Variants in DSCAM observed in about 807,000 individuals in gnomAD.
DSCAM encodes cell adhesion molecule DSCAM.
DSCAM carries 47 observed loss-of-function variants against 217.7 expected under a neutral mutation model. That is an observed-to-expected ratio of 0.22 (90% CI 0.17 to 0.28). The LOEUF is 0.28. Among genes scored for constraint, DSCAM ranks in the 10% least tolerant of loss-of-function variants. The pLI is 1.00. For synonymous variants in DSCAM, 1,056 were observed against 1,015.3 expected (o/e 1.04, Z -0.76); for missense variants, 2,080 against 2,618.3 (o/e 0.79, Z 4.49).
chr21:40,617,637 T>C (rs2089421816), intron 3 of DSCAM, among the ~76,000 whole-genome samples: 1 of 152,218 alleles, frequency 6.6e-6, no homozygotes, highest in Non-Finnish European at 1.5e-5. Context: ...TGCATCATAG[T>C]ATGCGTAAGC....
intron 3 of DSCAM, among the ~76,000 whole-genome samples, chr21:40,390,715 A>G (rs1176210330): frequency 1.3e-5 from 2 of 152,004 alleles, no homozygotes; most frequent in African/African-American, 4.8e-5. Flanking sequence ...CTCTATCTTC[A>G]CATGGCCATG....
chr21:40,099,557 G>C (rs953916901), intron 20 of DSCAM, among the ~76,000 whole-genome samples: 2 of 152,212 alleles, frequency 1.3e-5, no homozygotes, highest in Non-Finnish European at 2.9e-5. Context: ...CAAGCAGAAA[G>C]TTGATAACTG....
chr21:40,374,790 A>G (rs1357046367), intron 3 of DSCAM, among the ~76,000 whole-genome samples: 1 of 152,224 alleles, frequency 6.6e-6, no homozygotes, highest in Non-Finnish European at 1.5e-5. Flanking sequence ...CGCAGTGAGA[A>G]GGCGGCTGTC....
chr21:40,675,014 A>AACACACACACAC lies in DSCAM; in HGVS notation c.508+17784_508+17795dup, dbSNP rs375640720. 4.8e-4 allele frequency among the ~76,000 whole-genome samples: 62 copies of AACACACACACAC among 129,142 alleles called. 1 individual carries two copies. Among genetic ancestry groups the AACACACACACAC allele is most frequent in the African/African-American group, 1.4e-3 (56 of 39,396 alleles). The allele number at this position is 129,142 out of a possible 152,430, so 84.7% of individuals were successfully genotyped here. A position where few individuals can be genotyped will look rare whatever the true frequency, so the allele number is the denominator to read the frequency against. ...TTCCACACTCCCACCTCATTATATA[A>AACACACACACAC]ACACACACACACACACATGCACGCG... On this transcript the variant is annotated intron_variant, in intron 3 of 32. Transcript: ENST00000400454.
intron 1 of DSCAM, among the ~76,000 whole-genome samples, chr21:40,833,321 T>C (rs538759231): frequency 1.9e-4 from 29 of 151,948 alleles, no homozygotes; most frequent in Non-Finnish European, 4.0e-4. Context: ...TACAAAAATA[T>C]CCCCTCTCCC....
chr21:40,417,497 A>T (rs2075383173), intron 3 of DSCAM, among the ~76,000 whole-genome samples: 1 of 152,236 alleles, frequency 6.6e-6, no homozygotes, highest in African/African-American at 2.4e-5. Context: ...TTTCAGAAAC[A>T]TGAACACAAG....
intron 3 of DSCAM, among the ~76,000 whole-genome samples, chr21:40,433,664 G>A (rs561541975): frequency 9.8e-5 from 15 of 152,334 alleles, no homozygotes; most frequent in Admixed American, 2.6e-4. Flanking sequence ...AATGTCACCT[G>A]AAGTGGATGA....
At chr21:40,171,368 A>G (rs952141554) in intron 15 of DSCAM, among the ~76,000 whole-genome samples, 4 of 152,166 alleles carry the variant, frequency 2.6e-5, no homozygotes, top group Admixed American at 6.5e-5. Flanking sequence ...GTGAGCCACC[A>G]TGCCAGGCCC....
At chr21:40,312,497 G>C in intron 8 of DSCAM, 138 bp from the exon 9 acceptor site, 1 of 970,698 alleles carries the variant, frequency 1.0e-6, no homozygotes, top group Non-Finnish European at 1.5e-6. Context: ...TAGCAAATTT[G>C]AAATTCTGCT....
intron 26 of DSCAM, 50 bp from the exon 27 acceptor site, chr21:40,075,263 C>A (rs760358515): frequency 1.9e-6 from 3 of 1,597,402 alleles, no homozygotes; most frequent in East Asian, 2.2e-5. Flanking sequence ...GACGGCATGG[C>A]GGAGCTTTTA....
rs2074586045 is a variant in DSCAM, at chr21:40,348,313, T to C, written c.935-368A>G. ...CAGAGAGTTCCTATCAGCCACATTA[T>C]TGCAATCATACCCCATACATTTTGT... On this transcript the variant is annotated intron_variant, in intron 5 of 32. Coordinates refer to ENST00000400454, the MANE Select transcript of DSCAM (RefSeq NM_001389.5). Among the ~76,000 whole-genome samples the C allele has an allele frequency of 2.0e-5, 3 of 148,964 alleles. No individual in the cohort carries two copies. In the Admixed American group the frequency reaches 2.0e-4, roughly 10 times the overall value.
chr21:40,144,428 G>T lies in DSCAM; in HGVS notation c.3259+63C>A. 1 of 1,595,142 alleles carries T rather than the reference G, an allele frequency of 6.3e-7. No homozygotes were observed. The highest frequency in any genetic ancestry group is 8.6e-7 in the Non-Finnish European group (1 of 1,168,840). On this transcript the variant is annotated intron_variant, in intron 17 of 32. Coordinates refer to ENST00000400454, the MANE Select transcript of DSCAM (RefSeq NM_001389.5). This position sits in a 1 kb window ranked among gnomAD's most constrained non-coding sequence, Gnocchi z 4.8. ...GGGAGTGCGAGGTTGGGGGAGCCCC[G>T]GGGCAGACCCGAGGGAACCTTTGCG...
intron 10 of DSCAM, among the ~76,000 whole-genome samples, chr21:40,278,029 A>T (rs192526653): frequency 3.9e-5 from 6 of 152,294 alleles, no homozygotes; most frequent in Non-Finnish European, 8.8e-5. Flanking sequence ...TGAGTTTAGC[A>T]AAGTCATGGG....
chr21:40,409,516 A>G (rs1231051761), intron 3 of DSCAM, among the ~76,000 whole-genome samples: 2 of 152,170 alleles, frequency 1.3e-5, no homozygotes, highest in Non-Finnish European at 2.9e-5. Flanking sequence ...TACTAGAGGA[A>G]TCCTAGTGAG....
chr21:40,244,603 C>T lies in DSCAM; in HGVS notation c.2356+31494G>A, dbSNP rs371848647. 1.1e-4 allele frequency among the ~76,000 whole-genome samples: 17 copies of T among 152,166 alleles called. No homozygotes were observed. The South Asian group carries it at 1.9e-3, about 17-fold the overall frequency. The stretch of plus-strand genomic sequence containing the variant: ...TGAGATGAATCCTGAAGGGATGGGG[C>T]GCACGAGGAAAGCTGCTGAAGGTGT... On this transcript the variant is annotated intron_variant, in intron 11 of 32. Transcript: ENST00000400454.
chr21:40,496,333 TG>T (rs1291948750), intron 3 of DSCAM, among the ~76,000 whole-genome samples: 7 of 151,998 alleles, frequency 4.6e-5, no homozygotes, highest in Admixed American at 2.6e-4. Flanking sequence ...ACAGACCAGT[TG>T]CACAGAATAC....
At position 40,637,127 on chromosome 21, in the gene DSCAM, AT is replaced by A. The variant is rs1568953396; in HGVS notation, c.508+55682del. 1.0e-3 allele frequency among the ~76,000 whole-genome samples: 91 copies of A among 89,028 alleles called. 15 individuals carry two copies. Among genetic ancestry groups the A allele is most frequent in the Middle Eastern group, 0.011 (2 of 184 alleles). 58.4% of individuals were successfully genotyped at this position (89,028 alleles called of 152,430 possible). A position where few individuals can be genotyped will look rare whatever the true frequency, so the allele number is the denominator to read the frequency against. ...CTCATTCATATATATATATATATAT[AT>A]AAATATATAAATATATATATAAATA... On this transcript the variant is annotated intron_variant, in intron 3 of 32. Transcript: ENST00000400454.
chr21:40,570,929 G>T (rs1035100599), intron 3 of DSCAM, among the ~76,000 whole-genome samples: 1 of 151,962 alleles, frequency 6.6e-6, no homozygotes, highest in African/African-American at 2.4e-5. Context: ...AAGAAGAAGA[G>T]AGATACAGGA....
chr21:40,534,625 T>C (rs2076481099), intron 3 of DSCAM, among the ~76,000 whole-genome samples: 1 of 152,172 alleles, frequency 6.6e-6, no homozygotes, highest in Non-Finnish European at 1.5e-5. Flanking sequence ...TTTATGAACA[T>C]ATTTCTTGAG....
Sources: allele counts gnomAD v4.1 joint callset (sites outside exome capture counted in the v4.1 genomes callset), GRCh38; gene constraint gnomAD v4.1.1; non-coding constraint Gnocchi (gnomAD v3.1); transcripts MANE v1.5; gene names NCBI Gene and HGNC (gene_info 2026-07-23, HGNC 2026-07-21).